Variants in PRPF18 observed in about 807,000 individuals in gnomAD.
PRPF18 encodes pre-mRNA processing factor 18, also known as pre-mRNA-splicing factor 18.
PRPF18 carries 38 observed loss-of-function variants against 46.5 expected under a neutral mutation model. The observed-to-expected ratio is 0.82, with a 90% CI of 0.63 to 1.07. PRPF18 has a LOEUF of 1.07. Ranked by LOEUF, PRPF18 falls within the 50% of genes least tolerant of loss-of-function variation. PRPF18 has a pLI of 0.00. For missense variants in PRPF18, 263 were observed against 410.0 expected (o/e 0.64, Z 3.10); for synonymous variants, 152 against 146.7 (o/e 1.04, Z -0.26).
At chr10:13,598,579 T>A (rs2080065907) in intron 2 of PRPF18, among the ~76,000 whole-genome samples, 1 of 152,214 alleles carries the variant, frequency 6.6e-6, no homozygotes, top group South Asian at 2.1e-4. Flanking sequence ...CTTAAAAAAA[T>A]TTTAAAATGT....
intron 3 of PRPF18, among the ~76,000 whole-genome samples, chr10:13,603,561 TC>T (rs2080145713): frequency 1.3e-5 from 2 of 152,192 alleles, no homozygotes; most frequent in Admixed American, 1.3e-4. Flanking sequence ...TAGCTCACAT[TC>T]CCTTTCTTTT....
At chr10:13,592,876 A>G (rs1016447112) in intron 1 of PRPF18, among the ~76,000 whole-genome samples, 1 of 152,230 alleles carries the variant, frequency 6.6e-6, no homozygotes, top group African/African-American at 2.4e-5. Context: ...TGCTGCAGTA[A>G]CAATGCTACA....
chr10:13,592,074 T>C, intron 1 of PRPF18: 1 of 582,572 alleles, frequency 1.7e-6, no homozygotes, highest in Admixed American at 2.4e-5. Flanking sequence ...AAGAACCTTC[T>C]TTTTCTTTTC....
chr10:13,631,997 G>A (rs1173753085), downstream of PRPF18: 3 of 152,556 alleles, frequency 2.0e-5, no homozygotes, highest in Admixed American at 6.5e-5. Flanking sequence ...AATTGAATTG[G>A]GGTTCCTTGC....
Position 13,617,886 on chromosome 10 carries a change from A to G in PRPF18, c.948+1333A>G, listed in dbSNP as rs893282104. On this transcript the variant is annotated intron_variant, in intron 9 of 9. Coordinates refer to ENST00000378572, the MANE Select transcript of PRPF18 (RefSeq NM_003675.4). ...CCCCCTAGGTGATTAGAGAAAATTG[A>G]TGAGCATACTGTATTTGAAATTTAG... Among the ~76,000 whole-genome samples, 11 of 152,214 alleles carry G rather than the reference A, an allele frequency of 7.2e-5. No individual in the cohort carries two copies. The South Asian group carries it at 1.2e-3, about 17-fold the overall frequency.
chr10:13,630,122 G>A, intron 9 of PRPF18, 138 bp from the exon 10 acceptor site: 1 of 644,440 alleles, frequency 1.6e-6, no homozygotes, highest in Non-Finnish European at 2.7e-6. Flanking sequence ...AATTTCTCTA[G>A]GCATACATCT....
chr10:13,624,985 T>C (rs2080478932), intron 9 of PRPF18, among the ~76,000 whole-genome samples: 1 of 152,104 alleles, frequency 6.6e-6, no homozygotes, highest in Non-Finnish European at 1.5e-5. Flanking sequence ...AAAAAAGACC[T>C]TCATAGAAAC....
At chr10:13,654,345 G>A in the PRPF18 span, 1 of 995,986 alleles carries the variant, frequency 1.0e-6, no homozygotes, top group East Asian at 2.4e-5. Context: ...ATATCCTTAT[G>A]TCACCAGGAT....
chr10:13,630,163 A>C, intron 9 of PRPF18, 97 bp from the exon 10 acceptor site: 1 of 1,016,588 alleles, frequency 9.8e-7, no homozygotes, highest in Non-Finnish European at 1.5e-6. Context: ...GCTGCATTTT[A>C]TGGGGACATT....
intron 9 of PRPF18, among the ~76,000 whole-genome samples, chr10:13,628,676 A>G (rs552735976): frequency 2.6e-5 from 4 of 152,194 alleles, no homozygotes; most frequent in African/African-American, 7.2e-5. Flanking sequence ...TATGGGACCA[A>G]TGAGATTTTG....
intron 1 of PRPF18, among the ~76,000 whole-genome samples, chr10:13,590,521 T>A (rs1333104713): frequency 6.7e-6 from 1 of 149,008 alleles, no homozygotes; most frequent in Non-Finnish European, 1.5e-5. Context: ...CTCAGGAGGC[T>A]GAGGCAGGAG....
chr10:13,653,478 G>C, the PRPF18 span: 7 of 152,406 alleles, frequency 4.6e-5, no homozygotes, highest in East Asian at 1.9e-4. Flanking sequence ...CTGGGCAACA[G>C]AGTGAGACTC....
chr10:13,598,596 A>G (rs947644836), intron 2 of PRPF18, among the ~76,000 whole-genome samples: 1 of 152,210 alleles, frequency 6.6e-6, no homozygotes, highest in Non-Finnish European at 1.5e-5. Context: ...ATGTAATTAT[A>G]TTTCTGATGT....
rs2080256605 is a variant in PRPF18, at chr10:13,610,633, ATTTGACT to A, written c.510+452_510+458del. Among the ~76,000 whole-genome samples the A allele has an allele frequency of 7.9e-5, 12 of 152,194 alleles. No individual in the cohort carries two copies. The South Asian group carries it at 2.5e-3, about 32-fold the overall frequency. ...TTCCATGTGTTACGCCATTCACTGCATTTGACTTTTTGTTCTCCGGTAATGATGGACA... is the reference window on the plus strand; with the variant it reads ...TTCCATGTGTTACGCCATTCACTGCATTTTGTTCTCCGGTAATGATGGACA... On this transcript the variant is annotated intron_variant, in intron 5 of 9. Coordinates refer to ENST00000378572, the MANE Select transcript of PRPF18 (RefSeq NM_003675.4).
chr10:13,614,176 C>A, intron 8 of PRPF18, 90 bp downstream of exon 8: 2 of 994,396 alleles, frequency 2.0e-6, no homozygotes, highest in Admixed American at 3.0e-5. Context: ...GAGGATTTTA[C>A]ATAGTAGATT....
At chr10:13,618,640 AAG>A (rs1378630385) in intron 9 of PRPF18, among the ~76,000 whole-genome samples, 43 of 150,956 alleles carry the variant, frequency 2.8e-4, no homozygotes, top group Admixed American at 5.9e-4. Context: ...AAAAAAAAAA[AAG>A]AAAGAATTTA....
chr10:13,609,740 AT>A (rs1377862943), intron 4 of PRPF18, among the ~76,000 whole-genome samples: 2 of 152,226 alleles, frequency 1.3e-5, no homozygotes, highest in Non-Finnish European at 2.9e-5. Context: ...TCATTAGAAA[AT>A]TACAGCATTG....
chr10:13,605,634 A>C lies in PRPF18; in HGVS notation c.253A>C (p.Ile85Leu). 2.5e-6 allele frequency: 4 copies of C among 1,599,822 alleles called. No individual in the cohort carries two copies. The highest frequency in any genetic ancestry group is 4.5e-5 in the East Asian group (2 of 44,604). ...GGGTATCTGTTTCACTTTGTAGGTC[A>C]TCAGAAGATTGAGAGAAAGAGGAGA... ...LPMTLSRQEVIRRLRERGEPI... is the reference protein window; with the variant it reads ...LPMTLSRQEVLRRLRERGEPI... Residue 85 changes from isoleucine to leucine, a missense_variant, in exon 4 of 10, where the codon ATC becomes CTC. Transcript: ENST00000378572.
chr10:13,587,175 G>T (rs769430970), intron 1 of PRPF18, 23 bp downstream of exon 1: 2 of 1,603,520 alleles, frequency 1.2e-6, no homozygotes, highest in Non-Finnish European at 8.5e-7. Flanking sequence ...CGGTCGTGGG[G>T]GTCGGGATGT....
Sources: allele counts gnomAD v4.1 joint callset (sites outside exome capture counted in the v4.1 genomes callset), GRCh38; gene constraint gnomAD v4.1.1; transcripts MANE v1.5; gene names NCBI Gene and HGNC (gene_info 2026-07-23, HGNC 2026-07-21).